Variants in ELP3 observed in about 807,000 individuals in gnomAD.
ELP3 encodes the protein elongator acetyltransferase complex subunit 3.
A neutral mutation model predicts 74.9 loss-of-function variants in ELP3; 56 were observed. The ratio of observed to expected loss-of-function variants is 0.75; its 90% CI spans 0.60 to 0.93. The LOEUF is 0.93. ELP3 is among the 40% of genes least tolerant of loss of function. ELP3 has a pLI of 0.00. For synonymous variants in ELP3, 222 were observed against 239.8 expected (o/e 0.93, Z 0.68); for missense variants, 573 against 686.5 (o/e 0.83, Z 1.85).
At chr8:28,130,197 C>T (rs558764643) in intron 8 of ELP3, among the ~76,000 whole-genome samples, 2 of 152,224 alleles carry the variant, frequency 1.3e-5, no homozygotes, top group African/African-American at 4.8e-5. Context: ...AAAGAAAATA[C>T]CCGCGAAAGG....
chr8:28,166,835 C>T (rs1325002115), intron 14 of ELP3, among the ~76,000 whole-genome samples: 1 of 152,220 alleles, frequency 6.6e-6, no homozygotes, highest in Non-Finnish European at 1.5e-5. Context: ...GCAGTTTTGG[C>T]TAGGTATCAG....
intron 12 of ELP3, 111 bp from the exon 13 acceptor site, chr8:28,160,118 T>C: frequency 2.1e-6 from 2 of 939,930 alleles, no homozygotes; most frequent in Admixed American, 2.7e-5. Context: ...TTAGTGATTA[T>C]TCATTCCTTA....
chr8:28,091,018 T>G (rs34247390), upstream of ELP3, among the ~76,000 whole-genome samples: 40,289 of 149,936 alleles, frequency 0.27, 5,950 homozygotes, highest in South Asian at 0.34. Context: ...GCCATTCTCC[T>G]GCCTCAGCCT....
chr8:28,135,866 A>G, intron 9 of ELP3, among the ~76,000 whole-genome samples: 1 of 152,050 alleles, frequency 6.6e-6, no homozygotes, highest in South Asian at 2.1e-4. Context: ...CTGTCTTTGA[A>G]GAATTTGTTG....
intron 1 of ELP3, chr8:28,093,596 T>G (rs1239432242): frequency 1.8e-5 from 5 of 283,592 alleles, no homozygotes; most frequent in African/African-American, 1.1e-4. Flanking sequence ...GAGAGTTTCT[T>G]TTAAAGCCTT....
At chr8:28,118,760 G>A (rs1204256256) in intron 7 of ELP3, 1 of 152,052 alleles carries the variant, frequency 6.6e-6, no homozygotes. Flanking sequence ...AATCTTTAAT[G>A]CTCCTTGGCT....
chr8:28,114,622 G>A (rs954166361), intron 7 of ELP3, among the ~76,000 whole-genome samples: 23 of 152,034 alleles, frequency 1.5e-4, no homozygotes, highest in Admixed American at 7.2e-4. Context: ...CCAGCCCCAG[G>A]ACCCAAACAC....
rs144760745 is a variant in ELP3 at position 28,121,562 on chromosome 8, C to T, written c.618-7940C>T. ...CTCAAACTCCCGGCCTCAGGTGATC[C>T]GCCCACTTCGGCCTCCCAAAGTGCT... On this transcript the variant is annotated intron_variant, in intron 7 of 14. Transcript: ENST00000256398. Among the ~76,000 whole-genome samples the T allele has an allele frequency of 7.8e-3, 1,181 of 152,076 alleles. 21 individuals carry two copies. Among genetic ancestry groups the T allele is most frequent in the African/African-American group, 0.026 (1,089 of 41,488 alleles).
At chr8:28,131,115 C>T (rs537099521) in intron 8 of ELP3, among the ~76,000 whole-genome samples, 19 of 152,242 alleles carry the variant, frequency 1.2e-4, no homozygotes, top group African/African-American at 4.6e-4. Context: ...TACTGATGTC[C>T]TGGAAAGAAG....
chr8:28,190,024 G>A lies in ELP3; in HGVS notation c.*299G>A, dbSNP rs549736469. On this transcript the variant is annotated 3_prime_UTR_variant, in exon 15 of 15. Transcript: ENST00000256398. ...GCAGGTGGCCTATTTTGACTCAGAC[G>A]GTGAAAAAAGCAAATTAACTCATTT... 8.7e-5 allele frequency: 24 copies of A among 274,502 alleles called. No homozygotes were observed. The highest frequency in any genetic ancestry group is 1.0e-3 in the Middle Eastern group (1 of 960). The allele number at this position is 274,502 out of a possible 1,614,324, so 17.0% of individuals were successfully genotyped here.
chr8:28,102,102 G>A (rs916099260), intron 3 of ELP3, among the ~76,000 whole-genome samples: 2 of 152,050 alleles, frequency 1.3e-5, no homozygotes, highest in African/African-American at 4.8e-5. Flanking sequence ...CATTGTGTTT[G>A]GTATTTTACA....
In ELP3 at chr8:28,155,964, A is replaced by C; in HGVS notation, c.1123A>C (p.Ser375Arg). The C allele has an allele frequency of 6.2e-7, 1 of 1,613,838 alleles. No homozygotes were observed. The highest frequency in any genetic ancestry group is 8.5e-7 in the Non-Finnish European group (1 of 1,179,770). ...VQRDIPMPLVSSGVEHGNLRE... is the reference protein window; with the variant it reads ...VQRDIPMPLVRSGVEHGNLRE... ...CAGGGATATTCCAATGCCTTTAGTT[A>C]GCTCAGGAGTAGAGCATGGTAACCT... The change falls in exon 11 of 15, where the codon AGC becomes CGC. Residue 375 changes from serine (S) to arginine (R), a missense_variant. Physicochemically the swap from Ser to Arg is moderately radical, Grantham distance 110 (BLOSUM62 -1). Transcript: ENST00000256398.
At chr8:28,156,197 G>A (rs1332094687) in intron 11 of ELP3, among the ~76,000 whole-genome samples, 165 bp downstream of exon 11, 1 of 152,224 alleles carries the variant, frequency 6.6e-6, no homozygotes, top group Non-Finnish European at 1.5e-5. Flanking sequence ...GCTGAAGCCA[G>A]TGGTGCAGGG....
chr8:28,169,324 C>T (rs1004056228), intron 14 of ELP3, among the ~76,000 whole-genome samples: 2 of 152,026 alleles, frequency 1.3e-5, no homozygotes, highest in African/African-American at 4.8e-5. Context: ...AAACAACAAC[C>T]CTCTTATTTC....
intron 10 of ELP3, among the ~76,000 whole-genome samples, chr8:28,145,449 A>C (rs1813394368): frequency 6.6e-6 from 1 of 152,148 alleles, no homozygotes; most frequent in African/African-American, 2.4e-5. Flanking sequence ...TAGTTTATTT[A>C]TTTTTGTTTG....
At chr8:28,158,257 TA>T (rs1314802090) in intron 11 of ELP3, among the ~76,000 whole-genome samples, 46 of 152,202 alleles carry the variant, frequency 3.0e-4, no homozygotes. Context: ...TTCTTACTTT[TA>T]TGACTTACAT....
At chr8:28,119,234 G>A (rs936478144) in intron 7 of ELP3, among the ~76,000 whole-genome samples, 16 of 152,010 alleles carry the variant, frequency 1.1e-4, no homozygotes, top group Non-Finnish European at 1.3e-4. Flanking sequence ...GAGAACATAG[G>A]ATACAATCTT....
intron 14 of ELP3, among the ~76,000 whole-genome samples, chr8:28,175,831 TGGG>T (rs35337552): frequency 6.7e-6 from 1 of 148,360 alleles, no homozygotes. Flanking sequence ...TTTTTTTTTT[TGGG>T]GAGTCAGTCT....
At chr8:28,180,048 T>C (rs902006980) in intron 14 of ELP3, among the ~76,000 whole-genome samples, 4 of 152,162 alleles carry the variant, frequency 2.6e-5, no homozygotes, top group Non-Finnish European at 5.9e-5. Context: ...TTAGAAAATA[T>C]ATTATTTTTA....
Sources: allele counts gnomAD v4.1 joint callset (sites outside exome capture counted in the v4.1 genomes callset), GRCh38; gene constraint gnomAD v4.1.1; transcripts MANE v1.5; gene names NCBI Gene and HGNC (gene_info 2026-07-23, HGNC 2026-07-21).